The following ANO2 variants were observed in gnomAD, a reference collection of about 807,000 sequenced individuals.
The protein encoded by ANO2 is anoctamin-2.
ANO2 carries 101 observed loss-of-function variants against 124.2 expected under a neutral mutation model. That is an observed-to-expected ratio of 0.81 (90% CI 0.69 to 0.96). The LOEUF is 0.96. Among genes scored for constraint, ANO2 ranks in the 40% least tolerant of loss-of-function variants. The pLI, the probability that ANO2 is intolerant of heterozygous loss-of-function variation, is 0.00. For synonymous variants in ANO2, 486 were observed against 482.5 expected (o/e 1.01, Z -0.09); for missense variants, 1,293 against 1,274.5 (o/e 1.01, Z -0.22).
intron 1 of ANO2, among the ~76,000 whole-genome samples, chr12:5,932,774 C>T (rs185282781): frequency 3.9e-5 from 6 of 152,266 alleles, no homozygotes; most frequent in Admixed American, 3.9e-4. Flanking sequence ...AGGAGATAAT[C>T]TCCAGAATGG....
chr12:5,796,394 T>C (rs1393112674), intron 10 of ANO2, among the ~76,000 whole-genome samples: 3 of 148,398 alleles, frequency 2.0e-5, no homozygotes, highest in Non-Finnish European at 1.5e-5. Flanking sequence ...ACACACATAT[T>C]CTCTGGCACA....
chr12:5,605,868 T>C (rs746337712), intron 19 of ANO2, among the ~76,000 whole-genome samples: 5 of 152,164 alleles, frequency 3.3e-5, no homozygotes, highest in African/African-American at 4.8e-5. Context: ...GAGATGCGTA[T>C]GAACATCATC....
chr12:5,759,436 C>G (rs2137104726), intron 10 of ANO2, among the ~76,000 whole-genome samples: 1 of 151,964 alleles, frequency 6.6e-6, no homozygotes, highest in South Asian at 2.1e-4. Context: ...GTCCCCAACC[C>G]CCAGACCACA....
At chr12:5,744,918 A>G (rs181484036) in intron 11 of ANO2, among the ~76,000 whole-genome samples, 3 of 152,328 alleles carry the variant, frequency 2.0e-5, no homozygotes, top group African/African-American at 7.2e-5. Flanking sequence ...TAGAATGGAG[A>G]TTAATAACCT....
At chr12:5,944,467 C>T in intron 1 of ANO2, among the ~76,000 whole-genome samples, 1 of 152,234 alleles carries the variant, frequency 6.6e-6, no homozygotes, top group African/African-American at 2.4e-5. Flanking sequence ...GAGCGGGCAC[C>T]TCCCTCTTCA....
intron 15 of ANO2, among the ~76,000 whole-genome samples, chr12:5,643,612 A>G (rs964190430): frequency 6.6e-6 from 1 of 152,168 alleles, no homozygotes; most frequent in Non-Finnish European, 1.5e-5. Context: ...TTTCAGTTTC[A>G]CTAGATAATG....
At chr12:5,927,091 G>C (rs1227995488) in intron 1 of ANO2, among the ~76,000 whole-genome samples, 1 of 152,150 alleles carries the variant, frequency 6.6e-6, no homozygotes. Context: ...TCTGCTTCAA[G>C]TCCCTGGAAT....
intron 4 of ANO2, among the ~76,000 whole-genome samples, chr12:5,843,418 C>T (rs535415288): frequency 6.6e-6 from 1 of 152,148 alleles, no homozygotes; most frequent in South Asian, 2.1e-4. Context: ...GGCATAGTGG[C>T]GCACACCTAT....
chr12:5,575,442 A>C (rs1188778886), intron 23 of ANO2, among the ~76,000 whole-genome samples: 1 of 152,178 alleles, frequency 6.6e-6, no homozygotes, highest in Non-Finnish European at 1.5e-5. Flanking sequence ...AACGATGGGG[A>C]TATGTTCTGA....
At chr12:5,604,191 G>A (rs552872330) in intron 19 of ANO2, among the ~76,000 whole-genome samples, 12 of 152,238 alleles carry the variant, frequency 7.9e-5, no homozygotes, top group Middle Eastern at 6.8e-3. Context: ...AGGAATCAGC[G>A]ATGATTCTCA....
chr12:5,920,874 AT>A (rs1941657519), intron 3 of ANO2, among the ~76,000 whole-genome samples, 165 bp downstream of exon 3: 1 of 151,970 alleles, frequency 6.6e-6, no homozygotes, highest in African/African-American at 2.4e-5. Context: ...CTCAAAAAAA[AT>A]TTTTTTTAAA....
intron 14 of ANO2, among the ~76,000 whole-genome samples, chr12:5,709,625 C>T (rs755014618): frequency 1.1e-4 from 16 of 152,212 alleles, no homozygotes; most frequent in Non-Finnish European, 2.4e-4. Flanking sequence ...CATCCTCGCC[C>T]CTTAGGCTTC....
At chr12:5,615,327 T>C in intron 16 of ANO2, 30 bp from the exon 17 acceptor site, 1 of 1,559,138 alleles carries the variant, frequency 6.4e-7, no homozygotes. Flanking sequence ...CTGATGAGAT[T>C]GGGGTGAGAT....
At chr12:5,887,536 A>G (rs1591744725) in intron 3 of ANO2, among the ~76,000 whole-genome samples, 1 of 152,190 alleles carries the variant, frequency 6.6e-6, no homozygotes, top group African/African-American at 2.4e-5. Context: ...TAGCCCTGGG[A>G]GGCTCAACTA....
rs550211108 is a variant in ANO2 at position 5,604,051 on chromosome 12, C to T, written c.2088-4422G>A. 6.0e-5 allele frequency among the ~76,000 whole-genome samples: 9 copies of T among 150,506 alleles called. No individual in the cohort carries two copies. In the South Asian group the frequency reaches 1.1e-3, roughly 18 times the overall value. On this transcript the variant is annotated intron_variant, in intron 19 of 24. Transcript: ENST00000682330. ...ACACCATATTATGCAGTGGTTCAGG[C>T]GAGAGATTATGGTAGCAGAGTCTGG...
At chr12:5,776,490 A>G (rs1952236753) in intron 10 of ANO2, among the ~76,000 whole-genome samples, 1 of 152,216 alleles carries the variant, frequency 6.6e-6, no homozygotes, top group African/African-American at 2.4e-5. Context: ...ACAAATGCCT[A>G]TTGAATGCAT....
chr12:5,687,294 T>C (rs1948747446), intron 14 of ANO2, among the ~76,000 whole-genome samples: 3 of 152,218 alleles, frequency 2.0e-5, no homozygotes, highest in Non-Finnish European at 4.4e-5. Context: ...CACCACCTCG[T>C]CCTGTGCCTG....
chr12:5,674,795 T>C (rs1948161542), intron 14 of ANO2, among the ~76,000 whole-genome samples: 1 of 152,222 alleles, frequency 6.6e-6, no homozygotes, highest in Non-Finnish European at 1.5e-5. Flanking sequence ...TAAAACCCTG[T>C]CCCCTGGGGA....
At chr12:5,569,348 C>T (rs1293601999) in intron 23 of ANO2, among the ~76,000 whole-genome samples, 1 of 40,350 alleles carries the variant, frequency 2.5e-5, no homozygotes, top group African/African-American at 5.8e-5. Context: ...ACTCCTGCAG[C>T]TGCCAGCCGT....
Sources: gnomAD v4.1 joint callset for allele counts (sites outside exome capture counted in the v4.1 genomes callset) on GRCh38, gnomAD v4.1.1 for gene constraint, MANE v1.5 for transcripts, NCBI Gene and HGNC (gene_info 2026-07-23, HGNC 2026-07-21) for gene names.